MYO18B: variants seen among roughly 807,000 people sequenced by gnomAD.
MYO18B encodes myosin XVIIIB, also known as unconventional myosin-XVIIIb.
A neutral mutation model predicts 273.0 loss-of-function variants in MYO18B; 204 were observed. The ratio of observed to expected loss-of-function variants is 0.75; its 90% CI spans 0.67 to 0.84. The LOEUF (loss-of-function observed/expected upper bound fraction) is 0.84. MYO18B is among the 40% of genes least tolerant of loss of function. MYO18B has a pLI of 0.00. For synonymous variants in MYO18B, 1,330 were observed against 1,305.7 expected (o/e 1.02, Z -0.40); for missense variants, 3,212 against 3,287.6 (o/e 0.98, Z 0.56).
chr22:25,793,936 T>C (rs1389970153), intron 11 of MYO18B, among the ~76,000 whole-genome samples: 2 of 151,992 alleles, frequency 1.3e-5, no homozygotes, highest in African/African-American at 4.8e-5. Flanking sequence ...ATTCTTTGTC[T>C]CTCTCTTTTT....
chr22:25,809,155 G>A (rs1030537153), intron 12 of MYO18B, among the ~76,000 whole-genome samples: 1 of 152,198 alleles, frequency 6.6e-6, no homozygotes, highest in East Asian at 1.9e-4. Context: ...CTCTTGGCCA[G>A]TCTGGTCTTG....
At chr22:25,869,922 C>G (rs999643409) in intron 22 of MYO18B, among the ~76,000 whole-genome samples, 14 of 152,206 alleles carry the variant, frequency 9.2e-5, no homozygotes, top group African/African-American at 3.4e-4. Context: ...GTCTTTGAAG[C>G]CTTTTTCAAT....
rs139357915 is a variant in MYO18B at position 25,968,464 on chromosome 22, A to T, written c.6156+13100A>T. On this transcript the variant is annotated intron_variant, in intron 39 of 43. Coordinates refer to ENST00000335473, the MANE Select transcript of MYO18B (RefSeq NM_032608.7). ...TCTGTGGGCCTTGACTCTTGCAGAGATCTCTCTGCCTTGCCACAGGCCCCT... is the reference window on the plus strand; with the variant it reads ...TCTGTGGGCCTTGACTCTTGCAGAGTTCTCTCTGCCTTGCCACAGGCCCCT... 5.8e-4 allele frequency among the ~76,000 whole-genome samples: 88 copies of T among 152,126 alleles called. No homozygotes were observed. The East Asian group carries it at 0.017, about 29-fold the overall frequency.
At chr22:25,803,758 A>T (rs2088326543) in intron 12 of MYO18B, among the ~76,000 whole-genome samples, 1 of 152,166 alleles carries the variant, frequency 6.6e-6, no homozygotes, top group Non-Finnish European at 1.5e-5. Context: ...AACGATGTTC[A>T]TAGGAAGCCA....
At chr22:26,024,950 A>G (rs1450397378) in intron 42 of MYO18B, among the ~76,000 whole-genome samples, 2 of 152,190 alleles carry the variant, frequency 1.3e-5, no homozygotes, top group Admixed American at 6.5e-5. Flanking sequence ...TGTCTGATTC[A>G]TAGATTGCCA....
chr22:25,867,344 T>C (rs927832894), intron 21 of MYO18B, among the ~76,000 whole-genome samples: 2 of 152,230 alleles, frequency 1.3e-5, no homozygotes, highest in Non-Finnish European at 2.9e-5. Context: ...ATTTGGTTAC[T>C]CTAAGTACCT....
At chr22:26,050,645 C>A in the MYO18B span, among the ~76,000 whole-genome samples, 1 of 152,068 alleles carries the variant, frequency 6.6e-6, no homozygotes, top group Non-Finnish European at 1.5e-5. Context: ...AGCTCTGCTA[C>A]GTCCCGGTTC....
At chr22:25,760,011 G>A (rs1431384619) in intron 1 of MYO18B, among the ~76,000 whole-genome samples, 9 of 152,140 alleles carry the variant, frequency 5.9e-5, no homozygotes, top group Non-Finnish European at 1.0e-4. Flanking sequence ...TTCTCCAAGC[G>A]TGGGACAGAT....
chr22:25,872,642 G>A (rs1410606283), intron 22 of MYO18B, among the ~76,000 whole-genome samples: 1 of 152,002 alleles, frequency 6.6e-6, no homozygotes, highest in Non-Finnish European at 1.5e-5. Flanking sequence ...CCACTTGCTT[G>A]TAAAGGATCG....
At position 25,891,362 on chromosome 22, in the gene MYO18B, C is replaced by G; in HGVS notation, c.4493C>G (p.Ala1498Gly). Residue 1498 changes from alanine (A) to glycine (G), a missense_variant, in exon 27 of 44, where the codon GCC becomes GGC. Ala to Gly is a moderately conservative substitution (Grantham distance 60, BLOSUM62 0). Coordinates refer to ENST00000335473, the MANE Select transcript of MYO18B (RefSeq NM_032608.7). ...GATGTGAATAAACAGTTGGAAGAAGCCCAGCAGAAAATTCAGTTGAATGAC... is the reference window on the plus strand; with the variant it reads ...GATGTGAATAAACAGTTGGAAGAAGGCCAGCAGAAAATTCAGTTGAATGAC... ...LGDVNKQLEE[A>G]QQKIQLNDLE... The G allele has an allele frequency of 6.3e-7, 1 of 1,586,078 alleles. No individual in the cohort carries two copies. Among genetic ancestry groups the G allele is most frequent in the South Asian group, 1.2e-5 (1 of 86,210 alleles).
At chr22:25,893,770 T>TCCACCCATCCAC (rs1334952827) in intron 27 of MYO18B, among the ~76,000 whole-genome samples, 7 of 137,038 alleles carry the variant, frequency 5.1e-5, no homozygotes, top group African/African-American at 2.3e-4. Flanking sequence ...TATCCATCCA[T>TCCACCCATCCAC]CCACCCATCC....
chr22:25,972,140 T>A (rs1019341281), intron 39 of MYO18B, among the ~76,000 whole-genome samples: 3 of 150,706 alleles, frequency 2.0e-5, no homozygotes, highest in Non-Finnish European at 4.4e-5. Context: ...CATATATATA[T>A]AAATAAAATA....
At chr22:25,885,629 G>T (rs932870431) in intron 25 of MYO18B, among the ~76,000 whole-genome samples, 3 of 152,128 alleles carry the variant, frequency 2.0e-5, no homozygotes, top group African/African-American at 7.2e-5. Context: ...GGACTGGATC[G>T]CAGGGGGTCA....
chr22:26,008,253 A>G (rs1411857056), intron 42 of MYO18B, among the ~76,000 whole-genome samples: 1 of 152,172 alleles, frequency 6.6e-6, no homozygotes, highest in Non-Finnish European at 1.5e-5. Flanking sequence ...AGCTTTGAAA[A>G]ACACACATTC....
the MYO18B span, among the ~76,000 whole-genome samples, chr22:26,062,149 C>T: frequency 1.3e-5 from 2 of 152,082 alleles, no homozygotes; most frequent in Admixed American, 6.5e-5. Flanking sequence ...TTTCTCTTAC[C>T]CCCTTCTTCT....
At chr22:25,780,273 C>G (rs992310856) in intron 9 of MYO18B, 75 bp downstream of exon 9, 1 of 1,490,578 alleles carries the variant, frequency 6.7e-7, no homozygotes, top group East Asian at 2.4e-5. Flanking sequence ...CAGCAGAGCC[C>G]ACGCCTCCAG....
intron 42 of MYO18B, among the ~76,000 whole-genome samples, chr22:26,017,962 G>GTTTTTTTTT (rs1339313323): frequency 4.3e-5 from 5 of 117,530 alleles, no homozygotes; most frequent in African/African-American, 6.7e-5. Flanking sequence ...CAATTTTACT[G>GTTTTTTTTT]TTTTGTTTTT....
In MYO18B at chr22:25,985,683, G is replaced by A. The variant is rs2093194831; in HGVS notation, c.6157-6680G>A. 3.3e-5 allele frequency among the ~76,000 whole-genome samples: 5 copies of A among 151,972 alleles called. No homozygotes were observed. The South Asian group carries it at 8.3e-4, about 25-fold the overall frequency. Reference sequence around the variant, plus strand: ...CTCGCTCTGTCACCTAGGCTGGAGTGCAGTGGCGCAATCTCGGCTCAATGC... The same window carrying A: ...CTCGCTCTGTCACCTAGGCTGGAGTACAGTGGCGCAATCTCGGCTCAATGC... On this transcript the variant is annotated intron_variant, in intron 39 of 43. Transcript: ENST00000335473.
chr22:25,833,415 G>T (rs1235215773), intron 16 of MYO18B, among the ~76,000 whole-genome samples: 1 of 152,000 alleles, frequency 6.6e-6, no homozygotes, highest in Admixed American at 6.5e-5. Context: ...GAGAACAGGG[G>T]ACCATGTTGG....
Sources: gnomAD v4.1 joint callset for allele counts (sites outside exome capture counted in the v4.1 genomes callset) on GRCh38, gnomAD v4.1.1 for gene constraint, MANE v1.5 for transcripts, NCBI Gene and HGNC (gene_info 2026-07-23, HGNC 2026-07-21) for gene names.